The following RALGAPA2 variants were observed in gnomAD, a reference collection of about 807,000 sequenced individuals.
RALGAPA2 encodes the protein Ral GTPase activating protein catalytic subunit alpha 2, also known as ral GTPase-activating protein subunit alpha-2.
Under a neutral mutation model 230.4 loss-of-function variants are expected in RALGAPA2, and 139 were observed. The ratio of observed to expected loss-of-function variants is 0.60; its 90% CI spans 0.53 to 0.69. The LOEUF (loss-of-function observed/expected upper bound fraction) is 0.69. Ranked by LOEUF, RALGAPA2 falls within the 30% of genes least tolerant of loss-of-function variation. The probability of loss-of-function intolerance (pLI) is 0.00; values close to 1 mark genes in which losing one functional copy is unlikely to be tolerated. For missense variants in RALGAPA2, 2,163 were observed against 2,276.0 expected (o/e 0.95, Z 1.01); for synonymous variants, 847 against 837.8 (o/e 1.01, Z -0.19).
chr20:20,705,111 A>T (rs990923951), intron 1 of RALGAPA2, among the ~76,000 whole-genome samples: 12 of 152,178 alleles, frequency 7.9e-5, no homozygotes, highest in African/African-American at 2.7e-4. Context: ...CTCCTACCAA[A>T]CCATAAATCC....
In RALGAPA2 at chr20:20,536,297, AT is replaced by A. The variant is rs2063496122; in HGVS notation, c.3414+358del. On this transcript the variant is annotated intron_variant, in intron 25 of 39. Transcript: ENST00000202677. ...AATCAGGCCAACAAGGGGATTGAAT[AT>A]TTAGCTTATTTCCATTATTTCTTAT... 3.9e-5 allele frequency among the ~76,000 whole-genome samples: 6 copies of A among 152,346 alleles called. No individual in the cohort carries two copies. In the South Asian group the frequency reaches 1.2e-3, roughly 32 times the overall value.
At chr20:20,618,351 A>G (rs1463785381) in intron 12 of RALGAPA2, among the ~76,000 whole-genome samples, 2 of 152,232 alleles carry the variant, frequency 1.3e-5, no homozygotes, top group African/African-American at 2.4e-5. Context: ...AGCAGCACCA[A>G]AAGTCTTTAA....
chr20:20,401,668 T>C (rs921884428), intron 38 of RALGAPA2, among the ~76,000 whole-genome samples: 4 of 152,194 alleles, frequency 2.6e-5, no homozygotes, highest in African/African-American at 7.2e-5. Context: ...GTTAGATCCA[T>C]GATGACTGTG....
At chr20:20,402,483 AG>A (rs1201489784) in intron 38 of RALGAPA2, among the ~76,000 whole-genome samples, 2 of 152,142 alleles carry the variant, frequency 1.3e-5, no homozygotes, top group African/African-American at 4.8e-5. Context: ...AGGGATCTGC[AG>A]GGTCTTGAGG....
At chr20:20,594,468 T>C (rs1209420996) in intron 16 of RALGAPA2, among the ~76,000 whole-genome samples, 2 of 152,046 alleles carry the variant, frequency 1.3e-5, no homozygotes, top group Non-Finnish European at 2.9e-5. Context: ...GACAGGATTA[T>C]CTGATATTTA....
chr20:20,440,602 T>C (rs779622371), intron 37 of RALGAPA2, among the ~76,000 whole-genome samples: 11 of 152,202 alleles, frequency 7.2e-5, no homozygotes, highest in Non-Finnish European at 1.5e-4. Context: ...TGTCAAAGAC[T>C]AGGGAAGAAA....
At chr20:20,683,251 G>C (rs1217093177) in intron 1 of RALGAPA2, among the ~76,000 whole-genome samples, 1 of 152,124 alleles carries the variant, frequency 6.6e-6, no homozygotes, top group African/African-American at 2.4e-5. Context: ...CACAGGCTGT[G>C]ACCTCTGCCC....
chr20:20,401,048 C>T (rs2059823296), intron 38 of RALGAPA2, among the ~76,000 whole-genome samples: 1 of 152,022 alleles, frequency 6.6e-6, no homozygotes, highest in Admixed American at 6.6e-5. Flanking sequence ...AGTGGGATTG[C>T]CTATCAGCAG....
Position 20,601,759 on chromosome 20 carries a change from A to G in RALGAPA2, c.2126T>C (p.Met709Thr). 2 of 1,613,892 alleles carry G rather than the reference A, an allele frequency of 1.2e-6. No homozygotes were observed. The highest frequency in any genetic ancestry group is 1.7e-6 in the Non-Finnish European group (2 of 1,179,818). ...WRSHPDVTEPMRFRSATTSGA... is the reference protein window; with the variant it reads ...WRSHPDVTEPTRFRSATTSGA... Reference sequence around the variant, plus strand: ...AGACGTGGTGGCACTCCTAAATCGCATCGGTTCGGTCACATCTGGGTGGCT... The same window carrying G: ...AGACGTGGTGGCACTCCTAAATCGCGTCGGTTCGGTCACATCTGGGTGGCT... Residue 709 changes from methionine to threonine, a missense_variant, in exon 16 of 40, where the codon ATG becomes ACG. By Grantham distance (81) the Met-to-Thr change is moderately conservative. Transcript: ENST00000202677.
chr20:20,400,087 T>C (rs1206168793), intron 38 of RALGAPA2, among the ~76,000 whole-genome samples: 1 of 152,204 alleles, frequency 6.6e-6, no homozygotes, highest in Non-Finnish European at 1.5e-5. Context: ...ATCAGAGAGC[T>C]GTCTGGGCTA....
Position 20,712,324 on chromosome 20 carries a change from C to A in RALGAPA2, c.106+51G>T. The stretch of plus-strand genomic sequence containing the variant: ...CCTGCACAGAGGAGCGCCCTCCCGG[C>A]AGGTGCCCCTAACCCGGCGCCCCGA... On this transcript the variant is annotated intron_variant, in intron 1 of 39. Transcript: ENST00000202677. The surrounding 1 kb of genome is among the most constrained non-coding windows in gnomAD (Gnocchi z 5.5). 1 of 1,527,846 alleles carries A rather than the reference C, an allele frequency of 6.5e-7. No individual in the cohort carries two copies. The highest frequency in any genetic ancestry group is 8.8e-7 in the Non-Finnish European group (1 of 1,132,680). 94.6% of individuals were successfully genotyped at this position (1,527,846 alleles called of 1,614,324 possible). A position where few individuals can be genotyped will look rare whatever the true frequency, so the allele number is the denominator to read the frequency against.
At chr20:20,407,157 T>C (rs766878265) in intron 38 of RALGAPA2, among the ~76,000 whole-genome samples, 10 of 152,158 alleles carry the variant, frequency 6.6e-5, no homozygotes, top group Non-Finnish European at 1.3e-4. Context: ...GGGTTAGACA[T>C]GATCTTTCCT....
intron 10 of RALGAPA2, among the ~76,000 whole-genome samples, chr20:20,628,852 T>C (rs1185843921): frequency 6.6e-6 from 1 of 152,202 alleles, no homozygotes; most frequent in Non-Finnish European, 1.5e-5. Flanking sequence ...CTCTGCTCCT[T>C]TCTTTCCTTT....
intron 16 of RALGAPA2, among the ~76,000 whole-genome samples, chr20:20,599,712 C>T (rs1046769822): frequency 2.0e-5 from 3 of 152,154 alleles, no homozygotes; most frequent in African/African-American, 4.8e-5. Context: ...AGGCTGGGAG[C>T]CTGTAATCCC....
rs1341637499 is a variant in RALGAPA2, at chr20:20,546,610, T to C, written c.3285+94A>G. ...AGAGCCCAGTTTCACATTGCACTAA[T>C]GAGTCAACACCTGTTAAGAGTGGAG... On this transcript the variant is annotated intron_variant, in intron 24 of 39. Transcript: ENST00000202677. 2.1e-6 allele frequency: 3 copies of C among 1,401,518 alleles called. No individual in the cohort carries two copies. The African/African-American group carries it at 4.4e-5, about 20-fold the overall frequency. The allele number at this position is 1,401,518 out of a possible 1,614,324, so 86.8% of individuals were successfully genotyped here. A position where few individuals can be genotyped will look rare whatever the true frequency, so the allele number is the denominator to read the frequency against.
chr20:20,548,488 A>G (rs2063834215), intron 23 of RALGAPA2, among the ~76,000 whole-genome samples: 1 of 152,218 alleles, frequency 6.6e-6, no homozygotes, highest in Admixed American at 6.5e-5. Context: ...GTACTAATTT[A>G]AAGTTTTAGC....
intron 12 of RALGAPA2, among the ~76,000 whole-genome samples, chr20:20,617,914 T>C (rs1368357568): frequency 2.6e-5 from 4 of 152,204 alleles, no homozygotes; most frequent in Non-Finnish European, 4.4e-5. Flanking sequence ...TGTAGCACTA[T>C]ATATAATAAA....
chr20:20,465,516 AG>A (rs1307525088), intron 37 of RALGAPA2, among the ~76,000 whole-genome samples: 2 of 152,086 alleles, frequency 1.3e-5, no homozygotes, highest in African/African-American at 4.8e-5. Context: ...GAGCTGAGAG[AG>A]GGGGGAAAGA....
Position 20,392,791 on chromosome 20 carries a change from C to A in RALGAPA2, c.*498G>T. The A allele has an allele frequency of 5.3e-6, 1 of 187,040 alleles. No individual in the cohort carries two copies. The highest frequency in any genetic ancestry group is 1.1e-5 in the Non-Finnish European group (1 of 88,018). 11.6% of individuals were successfully genotyped at this position (187,040 alleles called of 1,614,324 possible). On this transcript the variant is annotated 3_prime_UTR_variant, in exon 40 of 40. Coordinates refer to ENST00000202677, the MANE Select transcript of RALGAPA2 (RefSeq NM_020343.4). ...ATGCAGATCAGATTCCTCAATTAGACAATTGTTTTGCCAGCCCCTTTGTGA... is the reference window on the plus strand; with the variant it reads ...ATGCAGATCAGATTCCTCAATTAGAAAATTGTTTTGCCAGCCCCTTTGTGA...
Sources: allele counts gnomAD v4.1 joint callset (sites outside exome capture counted in the v4.1 genomes callset), GRCh38; gene constraint gnomAD v4.1.1; non-coding constraint Gnocchi (gnomAD v3.1); transcripts MANE v1.5; gene names NCBI Gene and HGNC (gene_info 2026-07-23, HGNC 2026-07-21).